PALMD: variants seen among roughly 807,000 people sequenced by gnomAD.
PALMD encodes the protein paralemmin-like protein.
Under a neutral mutation model 56.2 loss-of-function variants are expected in PALMD, and 42 were observed. The ratio of observed to expected loss-of-function variants is 0.75; its 90% confidence interval spans 0.58 to 0.97. The LOEUF (loss-of-function observed/expected upper bound fraction) is 0.97. Among genes scored for constraint, PALMD ranks in the 50% least tolerant of loss-of-function variants. The probability of loss-of-function intolerance (pLI) is 0.00; values close to 1 mark genes in which losing one functional copy is unlikely to be tolerated. For missense variants in PALMD, 660 were observed against 643.8 expected, an observed-to-expected ratio of 1.03 and a Z score of -0.27; for synonymous variants, 242 against 222.9, an observed-to-expected ratio of 1.09 and a Z score of -0.76.
chr1:99,687,312 C>A, intron 6 of PALMD, 123 bp downstream of exon 6: 1 of 1,103,136 alleles, frequency 9.1e-7, no homozygotes, highest in Non-Finnish European at 1.3e-6. Context: ...TTACAAAGTT[C>A]TGTGAGTTAT....
At chr1:99,686,279 G>C (rs41285726) in intron 3 of PALMD, 1 of 153,116 alleles carries the variant, frequency 6.5e-6, no homozygotes, top group Non-Finnish European at 1.5e-5. Flanking sequence ...TGATGACTTG[G>C]ATATGAAAAC....
rs745864545 is a variant in PALMD, at chr1:99,689,201, GA to G, written c.944del (p.Asn315ThrfsTer18). On this transcript the variant is annotated frameshift_variant, in exon 7 of 8. Coordinates refer to ENST00000263174, the MANE Select transcript of PALMD (RefSeq NM_017734.5). LOFTEE classifies it high-confidence loss of function. ...NMGNGLSEER[G>X]NNFNHISPIP... is the part of the protein sequence containing the mutation. ...GGCAATGGTCTTTCAGAGGAAAGGG[GA>G]AACAACTTCAATCACATCAGTCCCA... The G allele has an allele frequency of 4.3e-6, 7 of 1,613,448 alleles. No homozygotes were observed. The highest frequency in any genetic ancestry group is 5.9e-6 in the Non-Finnish European group (7 of 1,179,702).
chr1:99,667,118 T>G (rs528286921), intron 2 of PALMD, among the ~76,000 whole-genome samples: 46 of 152,296 alleles, frequency 3.0e-4, no homozygotes, highest in African/African-American at 1.1e-3. Context: ...AACAGCAACC[T>G]TCTGTTTTGC....
intron 3 of PALMD, among the ~76,000 whole-genome samples, chr1:99,672,426 T>G (rs1037878308): frequency 2.0e-5 from 3 of 152,184 alleles, no homozygotes; most frequent in African/African-American, 7.2e-5. Context: ...TAGGCACAGG[T>G]GCACTGATTT....
In PALMD at chr1:99,646,250, C is replaced by T. The variant is rs374336429; in HGVS notation, c.-68C>T. The T allele has an allele frequency of 3.1e-6, 4 of 1,280,998 alleles. No individual in the cohort carries two copies. Among genetic ancestry groups the T allele is most frequent in the Non-Finnish European group, 4.6e-6 (4 of 876,416 alleles). 79.4% of individuals were successfully genotyped at this position (1,280,998 alleles called of 1,614,324 possible). ...CTTCTGTCACCCCCGCTCCTCTCCC[C>T]CAGGAGGCTCCTTGATTTATGGTAG... On this transcript the variant is annotated 5_prime_UTR_variant, in exon 1 of 8. Coordinates refer to ENST00000263174, the MANE Select transcript of PALMD (RefSeq NM_017734.5).
intron 1 of PALMD, among the ~76,000 whole-genome samples, chr1:99,659,917 A>G (rs1357635314): frequency 6.6e-6 from 1 of 152,214 alleles, no homozygotes; most frequent in Non-Finnish European, 1.5e-5. Context: ...GGTGTTGCCA[A>G]AACACTTCGG....
intron 3 of PALMD, among the ~76,000 whole-genome samples, chr1:99,674,156 C>T (rs1557671457): frequency 6.6e-6 from 1 of 152,082 alleles, no homozygotes; most frequent in Non-Finnish European, 1.5e-5. Context: ...CTCCATATGC[C>T]CTTTTATTTC....
At chr1:99,646,581 G>A (rs552800420) in intron 1 of PALMD, among the ~76,000 whole-genome samples, 89 of 152,318 alleles carry the variant, frequency 5.8e-4, no homozygotes, top group African/African-American at 1.9e-3. Flanking sequence ...CAAAAAGGCT[G>A]TGCCTGCATT....
intron 3 of PALMD, among the ~76,000 whole-genome samples, chr1:99,677,960 T>C (rs549983794): frequency 1.3e-5 from 2 of 152,312 alleles, no homozygotes; most frequent in South Asian, 4.1e-4. Flanking sequence ...AGGACAAGTG[T>C]GTCCCTGAAT....
Position 99,687,199 on chromosome 1 carries a change from A to T in PALMD, c.514+10A>T, listed in dbSNP as rs1159071258. 16 of 1,590,110 alleles carry T rather than the reference A, an allele frequency of 1.0e-5. No individual in the cohort carries two copies. Among genetic ancestry groups the T allele is most frequent in the Non-Finnish European group, 1.3e-5 (15 of 1,170,038 alleles). ...GAACAAAATAGGAAAGGTATATGAGAAATCTGTGTTGAAGGGCATGTTCTT... is the reference window on the plus strand; with the variant it reads ...GAACAAAATAGGAAAGGTATATGAGTAATCTGTGTTGAAGGGCATGTTCTT... On this transcript the variant is annotated intron_variant, in intron 6 of 7. Coordinates refer to ENST00000263174, the MANE Select transcript of PALMD (RefSeq NM_017734.5).
chr1:99,679,119 C>T (rs1241894366), intron 3 of PALMD, among the ~76,000 whole-genome samples: 1 of 152,124 alleles, frequency 6.6e-6, no homozygotes, highest in Non-Finnish European at 1.5e-5. Flanking sequence ...CCATTGGACC[C>T]TCTCTTTAGG....
Position 99,694,387 on chromosome 1 carries a change from T to C in PALMD, c.*325T>C, listed in dbSNP as rs775027857. The C allele has an allele frequency of 9.7e-5, 18 of 185,740 alleles. No homozygotes were observed. Among genetic ancestry groups the C allele is most frequent in the Non-Finnish European group, 1.3e-4 (12 of 89,988 alleles). The allele number at this position is 185,740 out of a possible 1,614,324, so 11.5% of individuals were successfully genotyped here. A position where few individuals can be genotyped will look rare whatever the true frequency, so the allele number is the denominator to read the frequency against. On this transcript the variant is annotated 3_prime_UTR_variant, in exon 8 of 8. Coordinates refer to ENST00000263174, the MANE Select transcript of PALMD (RefSeq NM_017734.5). Reference sequence around the variant, plus strand: ...GTTATTTAAAATATTCTGAGTATAGTATATTAACTGGCATTGTAATTTTGA... The same window carrying C: ...GTTATTTAAAATATTCTGAGTATAGCATATTAACTGGCATTGTAATTTTGA...
intron 3 of PALMD, 185 bp from the exon 4 acceptor site, chr1:99,686,491 T>G: frequency 2.6e-6 from 1 of 386,402 alleles, no homozygotes; most frequent in East Asian, 3.9e-5. Flanking sequence ...AAGTCGGGCA[T>G]TAGGTATCTT....
At chr1:99,646,480 TG>T (rs1167833476) in intron 1 of PALMD, 118 bp downstream of exon 1, 139 of 772,884 alleles carry the variant, frequency 1.8e-4, no homozygotes, top group Middle Eastern at 1.5e-3. Context: ...TCAGCCTTCA[TG>T]GACGAGTCTC....
At chr1:99,656,401 A>G (rs1379998378) in intron 1 of PALMD, among the ~76,000 whole-genome samples, 1 of 152,152 alleles carries the variant, frequency 6.6e-6, no homozygotes, top group Non-Finnish European at 1.5e-5. Flanking sequence ...TTTGCACACC[A>G]CCAACTCTGC....
rs1653728126 is a variant in PALMD, at chr1:99,694,292, A to G, written c.*230A>G. The G allele has an allele frequency of 7.7e-6, 3 of 389,178 alleles. No homozygotes were observed. Among genetic ancestry groups the G allele is most frequent in the Non-Finnish European group, 4.7e-6 (1 of 212,790 alleles). 24.1% of individuals were successfully genotyped at this position (389,178 alleles called of 1,614,324 possible). The stretch of plus-strand genomic sequence containing the variant: ...GTTACTTGACACGATTCAGTGGGGG[A>G]AAACCAGCATTTTTTATTCTATTGA... On this transcript the variant is annotated 3_prime_UTR_variant, in exon 8 of 8. Transcript: ENST00000263174.
In PALMD at chr1:99,689,651, A is replaced by ACCCCATAGCT. The variant is rs1291781436; in HGVS notation, c.1400_1409dup (p.Gln471SerfsTer3). On this transcript the variant is annotated frameshift_variant, in exon 7 of 8. Coordinates refer to ENST00000263174, the MANE Select transcript of PALMD (RefSeq NM_017734.5). LOFTEE classifies it high-confidence loss of function. The stretch of plus-strand genomic sequence containing the variant: ...GGAGAAGCAGAGAAACCGTCCTACC[A>ACCCCATAGCT]CCCCATAGCTCCCCATAGTCAGGTG... The ACCCCATAGCT allele has an allele frequency of 6.2e-7, 1 of 1,613,572 alleles. No homozygotes were observed. The highest frequency in any genetic ancestry group is 8.5e-7 in the Non-Finnish European group (1 of 1,179,834).
intron 6 of PALMD, among the ~76,000 whole-genome samples, 184 bp downstream of exon 6, chr1:99,687,373 T>G (rs1356651695): frequency 6.6e-6 from 1 of 152,178 alleles, no homozygotes; most frequent in African/African-American, 2.4e-5. Flanking sequence ...TAGCATTTAT[T>G]CCATGCATTT....
At chr1:99,652,582 T>A (rs1227013671) in intron 1 of PALMD, among the ~76,000 whole-genome samples, 1 of 148,128 alleles carries the variant, frequency 6.8e-6, no homozygotes, top group Non-Finnish European at 1.5e-5. Context: ...CCAGCCTGGG[T>A]AACAGAGTGA....
Sources: gnomAD v4.1 joint callset for allele counts (sites outside exome capture counted in the v4.1 genomes callset) on GRCh38, gnomAD v4.1.1 for gene constraint, MANE v1.5 for transcripts, NCBI Gene and HGNC (gene_info 2026-07-23, HGNC 2026-07-21) for gene names.